The following ALKBH6 variants were observed in gnomAD, a reference collection of about 807,000 sequenced individuals.
ALKBH6 encodes probable RNA/DNA demethylase ALKBH6.
ALKBH6 carries 20 observed loss-of-function variants against 25.1 expected under a neutral mutation model. The observed-to-expected ratio is 0.80, with a 90% CI of 0.56 to 1.16. The LOEUF (loss-of-function observed/expected upper bound fraction) is 1.16, where lower values mean the gene tolerates loss of function less well. ALKBH6 is among the 50% of genes most tolerant of loss of function. The pLI is 0.00. For synonymous variants in ALKBH6, 156 were observed against 147.5 expected, an observed-to-expected ratio of 1.06 and a Z score of -0.42; for missense variants, 263 against 326.5, an observed-to-expected ratio of 0.81 and a Z score of 1.50.
rs1968526380 is a variant in ALKBH6 at position 36,009,546 on chromosome 19, G to A, written c.461C>T (p.Pro154Leu). The change falls in exon 7 of 7, where the codon CCT (proline) becomes CTT (leucine). Residue 154 changes from proline (P) to leucine (L), a missense_variant. Coordinates refer to ENST00000378875, the MANE Select transcript of ALKBH6 (RefSeq NM_032878.5). ...EDDDPTEQPR[P>L]PPRPTTSLLL... Reference sequence around the variant, plus strand: ...TAGCGAGGTGGTGGGCCGGGGCGGAGGCCGAGGCTGCAGGGCGGGTTGAGG... The same window carrying A: ...TAGCGAGGTGGTGGGCCGGGGCGGAAGCCGAGGCTGCAGGGCGGGTTGAGG... 3.2e-6 allele frequency: 4 copies of A among 1,254,572 alleles called. No homozygotes were observed. Among genetic ancestry groups the A allele is most frequent in the Non-Finnish European group, 4.0e-6 (4 of 1,000,944 alleles). 77.7% of individuals were successfully genotyped at this position (1,254,572 alleles called of 1,614,324 possible).
rs375208260 is a variant in ALKBH6 at position 36,010,689 on chromosome 19, G to T, written c.337-6C>A. ...AGTGGTCCGTCCTCGTGGGGCTAGG[G>T]AGTGGGCACCAGGGCTGGGCAGGGC... On this transcript the variant is annotated splice_region_variant and splice_polypyrimidine_tract_variant and intron_variant, in intron 5 of 6. Transcript: ENST00000378875. This position sits in a 1 kb window ranked among gnomAD's most constrained non-coding sequence, Gnocchi z 5.5. 18 of 1,613,010 alleles carry T rather than the reference G, an allele frequency of 1.1e-5. No individual in the cohort carries two copies. Among genetic ancestry groups the T allele is most frequent in the Non-Finnish European group, 1.5e-5 (18 of 1,179,252 alleles).
chr19:36,011,164 C>A, intron 4 of ALKBH6, 119 bp from the exon 5 acceptor site: 1 of 1,375,268 alleles, frequency 7.3e-7, no homozygotes, highest in Non-Finnish European at 9.9e-7. Flanking sequence ...TTGGAGATAG[C>A]CACTGGGTCC....
In ALKBH6 at chr19:36,013,113, G is replaced by A; in HGVS notation, c.55-24C>T. On this transcript the variant is annotated intron_variant, in intron 2 of 6. Coordinates refer to ENST00000378875, the MANE Select transcript of ALKBH6 (RefSeq NM_032878.5). The surrounding 1 kb of genome is among the most constrained non-coding windows in gnomAD (Gnocchi z 4.6). ...GCCTAGGATAGAAAGACCCCCTGAA[G>A]GTGTGGCCCTTCAACCCACACAGAG... 1.2e-6 allele frequency: 2 copies of A among 1,605,812 alleles called. No individual in the cohort carries two copies. Among genetic ancestry groups the A allele is most frequent in the Non-Finnish European group, 1.7e-6 (2 of 1,172,520 alleles).
At chr19:36,009,965 G>A (rs1968548594) in intron 6 of ALKBH6, among the ~76,000 whole-genome samples, 1 of 152,124 alleles carries the variant, frequency 6.6e-6, no homozygotes, top group Non-Finnish European at 1.5e-5. Flanking sequence ...TGAGGCAGAG[G>A]TTAGAGGCAG....
chr19:36,010,621 G>C lies in ALKBH6; in HGVS notation c.399C>G (p.Thr133=), dbSNP rs757045603. Residue 133 remains threonine, a synonymous_variant, in exon 6 of 7, where the codon ACC becomes ACG. Transcript: ENST00000378875. This position sits in a 1 kb window ranked among gnomAD's most constrained non-coding sequence, Gnocchi z 5.5. ...TVSTISLGSH[T]VLDFYEPRRP... Reference sequence around the variant, plus strand: ...GCCGCGGCTCGTAGAAGTCCAGCACGGTGTGGGAGCCCAGGCTGATGGTGC... The same window carrying C: ...GCCGCGGCTCGTAGAAGTCCAGCACCGTGTGGGAGCCCAGGCTGATGGTGC... The C allele has an allele frequency of 1.9e-6, 3 of 1,613,924 alleles. No individual in the cohort carries two copies. Among genetic ancestry groups the C allele is most frequent in the South Asian group, 1.1e-5 (1 of 91,086 alleles).
Position 36,013,467 on chromosome 19 carries a change from C to T in ALKBH6, c.-25-45G>A, listed in dbSNP as rs1968678157. The T allele has an allele frequency of 1.2e-5, 20 of 1,610,422 alleles. No individual in the cohort carries two copies. The East Asian group carries it at 4.2e-4, about 34-fold the overall frequency. On this transcript the variant is annotated intron_variant, in intron 1 of 6. Transcript: ENST00000378875. This position sits in a 1 kb window ranked among gnomAD's most constrained non-coding sequence, Gnocchi z 4.6. ...TACTGAAGTCACTAGGCCTCCCGCC[C>T]TAACACCATGATGCAGCATTCCACC...
At position 36,011,365 on chromosome 19, in the gene ALKBH6, A is replaced by G. The variant is rs773218077; in HGVS notation, c.184+39T>C. ...ACCTGAGTCCCCTGCCCCAGCCTAC[A>G]TCCCAGAATCACTCCTGCCCCCAGC... On this transcript the variant is annotated intron_variant, in intron 4 of 6. Transcript: ENST00000378875. 2.5e-6 allele frequency: 4 copies of G among 1,607,002 alleles called. No homozygotes were observed. In the African/African-American group the frequency reaches 4.0e-5, roughly 16 times the overall value.
intron 6 of ALKBH6, 68 bp from the exon 7 acceptor site, chr19:36,009,621 A>G (rs1214773511): frequency 3.6e-6 from 4 of 1,105,834 alleles, no homozygotes; most frequent in Non-Finnish European, 3.4e-6. Flanking sequence ...AGAGGTCGGT[A>G]GCCTCCGGGG....
Position 36,010,817 on chromosome 19 carries a change from G to T in ALKBH6, c.336+77C>A. On this transcript the variant is annotated intron_variant, in intron 5 of 6. Coordinates refer to ENST00000378875, the MANE Select transcript of ALKBH6 (RefSeq NM_032878.5). The surrounding 1 kb of genome is among the most constrained non-coding windows in gnomAD (Gnocchi z 5.5). ...GAGATGTGGCTGCCTAATGAGTGAGGGTGGGTACAGAGTCCCCTGCCCCAG... is the reference window on the plus strand; with the variant it reads ...GAGATGTGGCTGCCTAATGAGTGAGTGTGGGTACAGAGTCCCCTGCCCCAG... The T allele has an allele frequency of 6.3e-7, 1 of 1,589,308 alleles. No individual in the cohort carries two copies. Among genetic ancestry groups the T allele is most frequent in the Non-Finnish European group, 8.6e-7 (1 of 1,158,208 alleles).
At position 36,011,931 on chromosome 19, in the gene ALKBH6, C is replaced by G. The variant is rs574383773; in HGVS notation, c.124-467G>C. The stretch of plus-strand genomic sequence containing the variant: ...GGAAACCCCGTCTCTACTAAAAATA[C>G]AAAACTTAGCTGGGCATGGTGGCAT... On this transcript the variant is annotated intron_variant, in intron 3 of 6. Coordinates refer to ENST00000378875, the MANE Select transcript of ALKBH6 (RefSeq NM_032878.5). 9.6e-5 allele frequency: 15 copies of G among 155,704 alleles called. No individual in the cohort carries two copies. In the East Asian group the frequency reaches 2.3e-3, roughly 24 times the overall value. The allele number at this position is 155,704 out of a possible 1,614,324, so 9.6% of individuals were successfully genotyped here.
rs767549818 is a variant in ALKBH6, at chr19:36,013,356, G to C, written c.42C>G (p.Phe14Leu). 6.2e-7 allele frequency: 1 copy of C among 1,613,904 alleles called. No individual in the cohort carries two copies. Among genetic ancestry groups the C allele is most frequent in the South Asian group, 1.1e-5 (1 of 91,066 alleles). ...GAGTTCTGACAACCTGCTCCACTCT[G>C]AACGGTTCCAGGGCTGGGACTCTGG... The part of the protein sequence containing the change: ...QDARVPALEP[F>L]RVEQAPPVIY... Residue 14 changes from phenylalanine to leucine, a missense_variant, in exon 2 of 7, where the codon TTC (phenylalanine) becomes TTG (leucine). By Grantham distance (22) the Phe-to-Leu change is conservative (BLOSUM62 0). Around this residue, in one of 3 missense-constraint regions of ALKBH6, gnomAD observed 112 missense variants for 153.0 expected, o/e 0.73. Transcript: ENST00000378875. This position sits in a 1 kb window ranked among gnomAD's most constrained non-coding sequence, Gnocchi z 4.6.
chr19:36,012,738 A>T (rs1008432360), intron 3 of ALKBH6: 3 of 410,380 alleles, frequency 7.3e-6, no homozygotes, highest in Non-Finnish European at 1.4e-5. Flanking sequence ...TAGCACAGGA[A>T]AGAGTTTACT....
chr19:36,011,083 G>C, intron 4 of ALKBH6, 38 bp from the exon 5 acceptor site: 1 of 1,562,510 alleles, frequency 6.4e-7, no homozygotes, highest in Non-Finnish European at 8.7e-7. Flanking sequence ...CCCCCCTATA[G>C]CAATAGATCC....
At position 36,010,154 on chromosome 19, in the gene ALKBH6, G is replaced by T. The variant is rs989623779; in HGVS notation, c.453+413C>A. The stretch of plus-strand genomic sequence containing the variant: ...GCATCACTCAGAGAAATTGTGTCAA[G>T]GGGTCAAGGAGAATCTGGGGGTGTC... On this transcript the variant is annotated intron_variant, in intron 6 of 6. Coordinates refer to ENST00000378875, the MANE Select transcript of ALKBH6 (RefSeq NM_032878.5). The surrounding 1 kb of genome is among the most constrained non-coding windows in gnomAD (Gnocchi z 5.5). The T allele has an allele frequency of 5.2e-6, 1 of 193,122 alleles. No homozygotes were observed. Among genetic ancestry groups the T allele is most frequent in the Non-Finnish European group, 1.1e-5 (1 of 94,542 alleles). 12.0% of individuals were successfully genotyped at this position (193,122 alleles called of 1,614,324 possible). A position where few individuals can be genotyped will look rare whatever the true frequency, so the allele number is the denominator to read the frequency against.
chr19:36,009,980 G>C (rs2145367632), intron 6 of ALKBH6, among the ~76,000 whole-genome samples: 1 of 152,260 alleles, frequency 6.6e-6, no homozygotes, highest in East Asian at 1.9e-4. Flanking sequence ...AGGCAGTGGG[G>C]GTTCCCAAGG....
rs866536201 is a variant in ALKBH6 at position 36,013,370 on chromosome 19, C to T, written c.28G>A (p.Ala10Thr). 1 of 1,613,900 alleles carries T rather than the reference C, an allele frequency of 6.2e-7. No homozygotes were observed. The highest frequency in any genetic ancestry group is 1.7e-5 in the Admixed American group (1 of 60,010). ...TGCTCCACTCTGAACGGTTCCAGGG[C>T]TGGGACTCTGGCGTCCTGCTCCTCC... is the stretch of plus-strand genomic sequence containing the variant. MEEQDARVP[A>T]LEPFRVEQAP... Residue 10 changes from alanine to threonine, a missense_variant, in exon 2 of 7, where the codon GCC becomes ACC. Physicochemically the swap from Ala to Thr is moderately conservative, Grantham distance 58 (BLOSUM62 0). Around this residue, in one of 3 missense-constraint regions of ALKBH6, gnomAD observed 112 missense variants for 153.0 expected, o/e 0.73. Coordinates refer to ENST00000378875, the MANE Select transcript of ALKBH6 (RefSeq NM_032878.5). This position sits in a 1 kb window ranked among gnomAD's most constrained non-coding sequence, Gnocchi z 4.6.
In ALKBH6 at chr19:36,013,282, C is replaced by G; in HGVS notation, c.54+62G>C. The G allele has an allele frequency of 6.2e-7, 1 of 1,601,584 alleles. No individual in the cohort carries two copies. The highest frequency in any genetic ancestry group is 2.2e-5 in the East Asian group (1 of 44,818). On this transcript the variant is annotated intron_variant, in intron 2 of 6. Transcript: ENST00000378875. The surrounding 1 kb of genome is among the most constrained non-coding windows in gnomAD (Gnocchi z 4.6). ...TGAATTTGGTGGAAGGGGGCAGTCC[C>G]AACCCAAGAACTCAGGAATCAGCCT... is the stretch of plus-strand genomic sequence containing the variant.
chr19:36,009,138 T>C lies in ALKBH6; in HGVS notation c.*152A>G. On this transcript the variant is annotated 3_prime_UTR_variant, in exon 7 of 7. Coordinates refer to ENST00000378875, the MANE Select transcript of ALKBH6 (RefSeq NM_032878.5). Reference sequence around the variant, plus strand: ...AACCAAGGAAAGATTTTTTTGTTTATTTGGTATGGGGTCTTCTGTAGCTCA... The same window carrying C: ...AACCAAGGAAAGATTTTTTTGTTTACTTGGTATGGGGTCTTCTGTAGCTCA... The C allele has an allele frequency of 8.5e-7, 1 of 1,172,334 alleles. No individual in the cohort carries two copies. Among genetic ancestry groups the C allele is most frequent in the Non-Finnish European group, 1.1e-6 (1 of 933,566 alleles). The allele number at this position is 1,172,334 out of a possible 1,614,324, so 72.6% of individuals were successfully genotyped here. A position where few individuals can be genotyped will look rare whatever the true frequency, so the allele number is the denominator to read the frequency against.
Position 36,013,192 on chromosome 19 carries a change from C to A in ALKBH6, c.55-103G>T. The A allele has an allele frequency of 1.4e-6, 2 of 1,440,730 alleles. No individual in the cohort carries two copies. The highest frequency in any genetic ancestry group is 1.2e-5 in the South Asian group (1 of 85,636). 89.2% of individuals were successfully genotyped at this position (1,440,730 alleles called of 1,614,324 possible). The stretch of plus-strand genomic sequence containing the variant: ...CCTGGAGACAGGCTCAGGATGTCCT[C>A]AGACAGGTCAGGGTCTAAAGTCAAG... On this transcript the variant is annotated intron_variant, in intron 2 of 6. Coordinates refer to ENST00000378875, the MANE Select transcript of ALKBH6 (RefSeq NM_032878.5). The surrounding 1 kb of genome is among the most constrained non-coding windows in gnomAD (Gnocchi z 4.6).
Sources: gnomAD v4.1 joint callset for allele counts (sites outside exome capture counted in the v4.1 genomes callset) on GRCh38, gnomAD v4.1.1 for gene constraint, gnomAD v4.1.1 regional missense constraint, Gnocchi (gnomAD v3.1) non-coding constraint, MANE v1.5 for transcripts, NCBI Gene and HGNC (gene_info 2026-07-23, HGNC 2026-07-21) for gene names.